SGTB: variants seen among roughly 807,000 people sequenced by gnomAD.
SGTB encodes the protein small glutamine-rich tetratricopeptide repeat-containing protein beta.
In SGTB, 19 loss-of-function variants were observed where a neutral mutation model predicts 43.9. That is an observed-to-expected ratio of 0.43 (90% CI 0.30 to 0.63). SGTB has a LOEUF of 0.63. Ranked by LOEUF, SGTB falls within the 30% of genes least tolerant of loss-of-function variation. The pLI is 0.12. For synonymous variants in SGTB, 116 were observed against 117.3 expected (o/e 0.99, Z 0.07); for missense variants, 304 against 358.9 (o/e 0.85, Z 1.24).
chr5:65,669,508 C>T lies in SGTB; in HGVS notation c.*738G>A, dbSNP rs1195473647. 1 of 152,142 alleles carries T rather than the reference C, an allele frequency of 6.6e-6. No individual in the cohort carries two copies. The highest frequency in any genetic ancestry group is 2.4e-5 in the African/African-American group (1 of 41,434). The allele number at this position is 152,142 out of a possible 1,614,324, so 9.4% of individuals were successfully genotyped here. On this transcript the variant is annotated 3_prime_UTR_variant, in exon 11 of 11. Transcript: ENST00000381007. ...CTTATTGTGTATTTAGCATAAGTGGCCATGCTAATATTATCAATACCAAAC... is the reference window on the plus strand; with the variant it reads ...CTTATTGTGTATTTAGCATAAGTGGTCATGCTAATATTATCAATACCAAAC...
chr5:65,694,023 T>A (rs1211142552), intron 5 of SGTB, among the ~76,000 whole-genome samples: 1 of 152,222 alleles, frequency 6.6e-6, no homozygotes, highest in African/African-American at 2.4e-5. Flanking sequence ...ACATTTTAAT[T>A]AATTTATATT....
chr5:65,706,452 T>C (rs1757935163), intron 4 of SGTB, among the ~76,000 whole-genome samples: 1 of 151,678 alleles, frequency 6.6e-6, no homozygotes, highest in African/African-American at 2.4e-5. Flanking sequence ...ATAATGTATA[T>C]ATACATACCA....
At chr5:65,680,038 T>C (rs1376725530) in intron 8 of SGTB, among the ~76,000 whole-genome samples, 1 of 152,166 alleles carries the variant, frequency 6.6e-6, no homozygotes, top group African/African-American at 2.4e-5. Flanking sequence ...CTGGAGGCCA[T>C]TTTACCATTT....
chr5:65,697,619 T>G (rs1453372342), intron 5 of SGTB, among the ~76,000 whole-genome samples: 3 of 152,206 alleles, frequency 2.0e-5, no homozygotes, highest in African/African-American at 7.2e-5. Context: ...GAGGATTCAT[T>G]CTCCACAAAC....
chr5:65,713,140 T>G (rs1758074723), intron 2 of SGTB, 76 bp from the exon 3 acceptor site: 1 of 984,346 alleles, frequency 1.0e-6, no homozygotes. Flanking sequence ...CTGATAGAAC[T>G]GCAATGTATG....
chr5:65,707,652 C>T (rs1757961271), intron 4 of SGTB, among the ~76,000 whole-genome samples: 1 of 152,048 alleles, frequency 6.6e-6, no homozygotes, highest in African/African-American at 2.4e-5. Flanking sequence ...CCAGGATGGT[C>T]TTGATCTCCT....
intron 8 of SGTB, among the ~76,000 whole-genome samples, chr5:65,676,423 C>A (rs1212918271): frequency 1.3e-5 from 2 of 152,024 alleles, no homozygotes; most frequent in Non-Finnish European, 2.9e-5. Context: ...ACAGGAACAC[C>A]CAGATTCATA....
chr5:65,707,627 G>A (rs549206224), intron 4 of SGTB, among the ~76,000 whole-genome samples: 1 of 152,042 alleles, frequency 6.6e-6, no homozygotes, highest in African/African-American at 2.4e-5. Flanking sequence ...TAGAGACGGG[G>A]TTTCACCGAG....
chr5:65,718,948 A>AAGAAAT (rs1233878154), intron 2 of SGTB, among the ~76,000 whole-genome samples: 1 of 152,206 alleles, frequency 6.6e-6, no homozygotes, highest in African/African-American at 2.4e-5. Context: ...GACTGCATTT[A>AAGAAAT]TCTGTTTGCT....
chr5:65,678,796 A>G (rs1330632234), intron 8 of SGTB, among the ~76,000 whole-genome samples: 1 of 152,238 alleles, frequency 6.6e-6, no homozygotes, highest in Non-Finnish European at 1.5e-5. Context: ...CATATGGAGA[A>G]AATTGAAACT....
rs530000415 is a variant in SGTB at position 65,685,602 on chromosome 5, ACTGT to A, written c.375-134_375-131del. The A allele has an allele frequency of 3.9e-3, 2,588 of 667,506 alleles. 8 individuals carry two copies. The highest frequency in any genetic ancestry group is 4.8e-3 in the Non-Finnish European group (1,904 of 394,302). 41.3% of individuals were successfully genotyped at this position (667,506 alleles called of 1,614,324 possible). Reference sequence around the variant, plus strand: ...CACTCCCACTAAATTTCTAAGTCAAACTGTCTAAGATAATTATGTAATAAAATGA... The same window carrying A: ...CACTCCCACTAAATTTCTAAGTCAAACTAAGATAATTATGTAATAAAATGA... On this transcript the variant is annotated intron_variant, in intron 5 of 10. Transcript: ENST00000381007.
intron 8 of SGTB, among the ~76,000 whole-genome samples, chr5:65,679,214 T>C (rs1198754249): frequency 2.0e-5 from 3 of 152,168 alleles, no homozygotes; most frequent in Non-Finnish European, 2.9e-5. Context: ...AGAAGACATA[T>C]ATGTGGCCAA....
At chr5:65,672,418 G>C (rs1757176988) in intron 8 of SGTB, 137 bp from the exon 9 acceptor site, 1 of 1,030,790 alleles carries the variant, frequency 9.7e-7, no homozygotes, top group Admixed American at 2.3e-5. Context: ...GCTATGCAAA[G>C]TAAAGGGGAA....
chr5:65,672,089 G>A, intron 9 of SGTB, 91 bp from the exon 10 acceptor site: 1 of 1,569,984 alleles, frequency 6.4e-7, no homozygotes, highest in Non-Finnish European at 8.8e-7. Context: ...AAATACCCAT[G>A]TTATACCAGA....
intron 8 of SGTB, 107 bp downstream of exon 8, chr5:65,680,387 C>T: frequency 9.2e-7 from 1 of 1,092,720 alleles, no homozygotes; most frequent in Non-Finnish European, 1.3e-6. Context: ...ATCAATACTC[C>T]ACTACAACCA....
At chr5:65,706,015 G>A (rs1260857080) in intron 4 of SGTB, among the ~76,000 whole-genome samples, 4 of 151,810 alleles carry the variant, frequency 2.6e-5, no homozygotes, top group African/African-American at 9.7e-5. Context: ...CACCCTGGTC[G>A]AAAGAGTGAG....
intron 8 of SGTB, among the ~76,000 whole-genome samples, chr5:65,674,429 C>T (rs1757223491): frequency 1.3e-5 from 2 of 152,180 alleles, no homozygotes; most frequent in African/African-American, 4.8e-5. Flanking sequence ...GCTCCACTCT[C>T]ATCAGTACAG....
rs770398951 is a variant in SGTB, at chr5:65,680,698, A to T, written c.576T>A (p.Asn192Lys). 6.2e-7 allele frequency: 1 copy of T among 1,613,972 alleles called. No homozygotes were observed. Among genetic ancestry groups the T allele is most frequent in the African/African-American group, 1.3e-5 (1 of 74,938 alleles). Residue 192 changes from asparagine (N) to lysine (K), a missense_variant, in exon 7 of 11, where the codon AAT becomes AAA. Transcript: ENST00000381007. ...TTAACTTCTGTTCTGCTATTTTCAG[A>T]TTTGACTTATAGGAATCATTTTCAG... ...LDPENDSYKSNLKIAEQKLRE... is the reference protein window; with the variant it reads ...LDPENDSYKSKLKIAEQKLRE...
chr5:65,722,440 T>C, upstream of SGTB: 1 of 1,570,268 alleles, frequency 6.4e-7, no homozygotes. Context: ...GGGTTAACCT[T>C]GGCCGTGGGC....
Sources: gnomAD v4.1 joint callset for allele counts (sites outside exome capture counted in the v4.1 genomes callset) on GRCh38, gnomAD v4.1.1 for gene constraint, MANE v1.5 for transcripts, NCBI Gene and HGNC (gene_info 2026-07-23, HGNC 2026-07-21) for gene names.